NDST4: variants seen among roughly 807,000 people sequenced by gnomAD.
NDST4 encodes N-deacetylase and N-sulfotransferase 4.
A neutral mutation model predicts 100.8 loss-of-function variants in NDST4; 63 were observed. The observed-to-expected ratio is 0.62, with a 90% CI of 0.51 to 0.77. The LOEUF is 0.77. Among genes scored for constraint, NDST4 ranks in the 30% least tolerant of loss-of-function variants. The pLI is 0.00. For synonymous variants in NDST4, 377 were observed against 361.8 expected (o/e 1.04, Z -0.48); for missense variants, 943 against 1,018.4 (o/e 0.93, Z 1.01).
chr4:115,003,048 G>C (rs1220796554), intron 2 of NDST4, among the ~76,000 whole-genome samples: 1 of 152,088 alleles, frequency 6.6e-6, no homozygotes. Flanking sequence ...TGGATACAGG[G>C]AGGGGAACAT....
intron 1 of NDST4, among the ~76,000 whole-genome samples, chr4:115,101,718 T>C (rs1729733763): frequency 6.6e-6 from 1 of 151,870 alleles, no homozygotes; most frequent in South Asian, 2.1e-4. Flanking sequence ...GAAAACAAAG[T>C]GGTGGTGAAG....
chr4:115,068,899 T>A (rs1202828951), intron 2 of NDST4, among the ~76,000 whole-genome samples: 5 of 151,676 alleles, frequency 3.3e-5, no homozygotes, highest in Non-Finnish European at 5.9e-5. Flanking sequence ...TAAAAGACAA[T>A]ATAATAATTG....
chr4:115,039,416 T>C (rs1036906578), intron 2 of NDST4, among the ~76,000 whole-genome samples: 26 of 150,672 alleles, frequency 1.7e-4, no homozygotes, highest in African/African-American at 6.5e-4. Flanking sequence ...AAGTTTCCAG[T>C]GTGGACACAT....
chr4:115,080,192 A>T (rs1729271326), intron 1 of NDST4, among the ~76,000 whole-genome samples: 1 of 152,160 alleles, frequency 6.6e-6, no homozygotes, highest in African/African-American at 2.4e-5. Context: ...GCTGTAGTGC[A>T]GTGGCCTGAT....
At chr4:114,961,361 T>A (rs1251529863) in intron 4 of NDST4, among the ~76,000 whole-genome samples, 1 of 151,778 alleles carries the variant, frequency 6.6e-6, no homozygotes, top group African/African-American at 2.4e-5. Flanking sequence ...GAACAGAAAT[T>A]AATGAAATAG....
At chr4:115,062,002 C>T (rs530485) in intron 2 of NDST4, among the ~76,000 whole-genome samples, 25,121 of 151,388 alleles carry the variant, frequency 0.17, 2,524 homozygotes, top group East Asian at 0.45. Flanking sequence ...AAGGAATGAA[C>T]GCACAAAGGA....
At chr4:115,065,190 A>G (rs1424803789) in intron 2 of NDST4, among the ~76,000 whole-genome samples, 1 of 151,868 alleles carries the variant, frequency 6.6e-6, no homozygotes, top group Non-Finnish European at 1.5e-5. Context: ...AGATGGGCTG[A>G]GTCTATCTTA....
intron 7 of NDST4, among the ~76,000 whole-genome samples, chr4:114,867,646 T>TAAAAAAAAAAAAAAAAAAAAA (rs761173470): frequency 7.5e-5 from 2 of 26,764 alleles, no homozygotes. Context: ...ATGAGAATTA[T>TAAAAAAAAAAAAAAAAAAAAA]AAAAAAAAAA....
chr4:114,852,894 A>C, intron 7 of NDST4, 73 bp from the exon 8 acceptor site: 1 of 1,056,830 alleles, frequency 9.5e-7, no homozygotes, highest in South Asian at 1.5e-5. Context: ...ATTGTTCAAA[A>C]GATGGAATCA....
chr4:115,046,683 A>C (rs1269026084), intron 2 of NDST4, among the ~76,000 whole-genome samples: 1 of 152,156 alleles, frequency 6.6e-6, no homozygotes, highest in African/African-American at 2.4e-5. Context: ...TAGATGATAC[A>C]TAATTTAAGA....
intron 2 of NDST4, among the ~76,000 whole-genome samples, chr4:114,983,781 T>C (rs1018974327): frequency 1.4e-4 from 22 of 152,080 alleles, no homozygotes; most frequent in Non-Finnish European, 3.2e-4. Flanking sequence ...GGGCTCTGTG[T>C]CCCCACCCAA....
rs192672576 is a variant in NDST4, at chr4:114,865,087, C to T, written c.1719+5681G>A. 1.9e-3 allele frequency among the ~76,000 whole-genome samples: 275 copies of T among 147,656 alleles called. 2 individuals are homozygous for T. Among genetic ancestry groups the T allele is most frequent in the African/African-American group, 6.3e-3 (249 of 39,244 alleles). ...TTTTTTTTTCTTTTTTTTTTTGAGACGGAGTCTCACTCCATCACCCAGGCT... is the reference window on the plus strand; with the variant it reads ...TTTTTTTTTCTTTTTTTTTTTGAGATGGAGTCTCACTCCATCACCCAGGCT... On this transcript the variant is annotated intron_variant, in intron 7 of 13. Transcript: ENST00000264363.
intron 2 of NDST4, among the ~76,000 whole-genome samples, chr4:115,068,411 A>G (rs959003804): frequency 6.6e-6 from 1 of 152,162 alleles, no homozygotes; most frequent in African/African-American, 2.4e-5. Context: ...CAAGTTTATA[A>G]TACAGATTTT....
chr4:114,840,856 T>C (rs954356091), intron 10 of NDST4, among the ~76,000 whole-genome samples: 1 of 152,150 alleles, frequency 6.6e-6, no homozygotes, highest in African/African-American at 2.4e-5. Flanking sequence ...AAAGTAAAGA[T>C]GATTAGGAAT....
At position 115,089,070 on chromosome 4, in the gene NDST4, A is replaced by C. The variant is rs368129673; in HGVS notation, c.-246-11788T>G. On this transcript the variant is annotated intron_variant, in intron 1 of 13. Transcript: ENST00000264363. ...ATTTAATGCACAAAACAATTATGCCAAAACAACAATAACCATATTTATGTC... is the reference window on the plus strand; with the variant it reads ...ATTTAATGCACAAAACAATTATGCCCAAACAACAATAACCATATTTATGTC... 2.6e-5 allele frequency among the ~76,000 whole-genome samples: 4 copies of C among 152,206 alleles called. No homozygotes were observed. The East Asian group carries it at 7.7e-4, about 29-fold the overall frequency.
chr4:114,829,912 A>G lies in NDST4; in HGVS notation c.2397-20T>C, dbSNP rs368051265. Reference sequence around the variant, plus strand: ...TCAAACCTACAGTACATAAAACATAATGATTACAAATTGTATGCAGAATTT... The same window carrying G: ...TCAAACCTACAGTACATAAAACATAGTGATTACAAATTGTATGCAGAATTT... On this transcript the variant is annotated intron_variant, in intron 12 of 13. Coordinates refer to ENST00000264363, the MANE Select transcript of NDST4 (RefSeq NM_022569.3). 6.1e-5 allele frequency: 94 copies of G among 1,552,940 alleles called. No homozygotes were observed. The highest frequency in any genetic ancestry group is 8.0e-5 in the Non-Finnish European group (91 of 1,135,674).
chr4:115,044,675 C>A (rs1266122566), intron 2 of NDST4, among the ~76,000 whole-genome samples: 4 of 146,626 alleles, frequency 2.7e-5, no homozygotes, highest in African/African-American at 2.5e-5. Context: ...AAACAAGACA[C>A]CATGAGTAAA....
chr4:114,849,428 A>G (rs564302579), intron 8 of NDST4, among the ~76,000 whole-genome samples: 1 of 152,362 alleles, frequency 6.6e-6, no homozygotes, highest in East Asian at 1.9e-4. Flanking sequence ...ATCATTGCAA[A>G]TGGGATCTGG....
intron 2 of NDST4, among the ~76,000 whole-genome samples, chr4:115,034,715 C>A (rs573442520): frequency 6.6e-6 from 1 of 152,116 alleles, no homozygotes; most frequent in South Asian, 2.1e-4. Flanking sequence ...CCAAGCATGG[C>A]CCCCGCCTTG....
Sources: gnomAD v4.1 joint callset for allele counts (sites outside exome capture counted in the v4.1 genomes callset) on GRCh38, gnomAD v4.1.1 for gene constraint, MANE v1.5 for transcripts, NCBI Gene and HGNC (gene_info 2026-07-23, HGNC 2026-07-21) for gene names.